The following PFAS variants were observed in gnomAD, a reference collection of about 807,000 sequenced individuals.
The protein encoded by PFAS is phosphoribosylformylglycinamidine synthase.
In PFAS, 97 loss-of-function variants were observed where a neutral mutation model predicts 140.6. That is an observed-to-expected ratio of 0.69 (90% CI 0.59 to 0.82). The LOEUF is 0.82. Among genes scored for constraint, PFAS ranks in the 40% least tolerant of loss-of-function variants. The pLI is 0.00. For missense variants in PFAS, 1,656 were observed against 1,780.2 expected (o/e 0.93, Z 1.26); for synonymous variants, 679 against 718.8 (o/e 0.94, Z 0.88).
Position 8,253,989 on chromosome 17 carries a change from G to T in PFAS, c.52G>T (p.Ala18Ser). 1 of 1,614,134 alleles carries T rather than the reference G, an allele frequency of 6.2e-7. No homozygotes were observed. Among genetic ancestry groups the T allele is most frequent in the Non-Finnish European group, 8.5e-7 (1 of 1,179,998 alleles). The change falls in exon 2 of 28, where the codon GCC becomes TCC. Residue 18 changes from alanine to serine, a missense_variant. This residue lies in a region of PFAS where 773 missense variants were observed against 757.3 expected (regional missense o/e 1.02). Coordinates refer to ENST00000314666, the MANE Select transcript of PFAS (RefSeq NM_012393.3). ...YVRPSGHEGA[A>S]PGHTRRKLQG... ...TCGTCCCTCTGGCCATGAGGGGGCA[G>T]CCCCTGGACACACTCGGAGGAAACT... is the stretch of plus-strand genomic sequence containing the variant.
At position 8,265,049 on chromosome 17, in the gene PFAS, A is replaced by T; in HGVS notation, c.2204A>T (p.Asp735Val). 1 of 1,613,592 alleles carries T rather than the reference A, an allele frequency of 6.2e-7. No individual in the cohort carries two copies. Among genetic ancestry groups the T allele is most frequent in the Non-Finnish European group, 8.5e-7 (1 of 1,179,970 alleles). Reference sequence around the variant, plus strand: ...GAACAGCCAGTCAAGAGCCTGCTGGACCCAAAAGTCGCCGCCCGGCTGGCC... The same window carrying T: ...GAACAGCCAGTCAAGAGCCTGCTGGTCCCAAAAGTCGCCGCCCGGCTGGCC... ...LGEQPVKSLL[D>V]PKVAARLAVA... The change falls in exon 18 of 28, where the codon GAC becomes GTC. Residue 735 changes from aspartate (D) to valine (V), a missense_variant. Asp to Val is a radical substitution (Grantham distance 152, BLOSUM62 -3). Coordinates refer to ENST00000314666, the MANE Select transcript of PFAS (RefSeq NM_012393.3).
chr17:8,261,490 C>T (rs574670800), intron 11 of PFAS, among the ~76,000 whole-genome samples: 2 of 152,310 alleles, frequency 1.3e-5, no homozygotes, highest in East Asian at 3.9e-4. Flanking sequence ...CCACCCGCCT[C>T]AGCCTCCCAA....
chr17:8,268,126 A>G (rs769927690), intron 26 of PFAS, among the ~76,000 whole-genome samples: 1 of 145,376 alleles, frequency 6.9e-6, no homozygotes, highest in Non-Finnish European at 1.5e-5. Context: ...CAATGGCGCA[A>G]TCTTGGCTCA....
At position 8,258,182 on chromosome 17, in the gene PFAS, A is replaced by G. The variant is rs1989451591; in HGVS notation, c.1319A>G (p.Lys440Arg). The G allele has an allele frequency of 3.1e-6, 5 of 1,613,938 alleles. No individual in the cohort carries two copies. Among genetic ancestry groups the G allele is most frequent in the Admixed American group, 1.7e-5 (1 of 60,012 alleles). Residue 440 changes from lysine (K) to arginine (R), a missense_variant, in exon 11 of 28, where the codon AAG becomes AGG. By Grantham distance (26) the Lys-to-Arg change is conservative. Coordinates refer to ENST00000314666, the MANE Select transcript of PFAS (RefSeq NM_012393.3). ...TCCATGGAAGCTGACCACATAAGCA[A>G]GGAGGCCCCAGAGCCAGGTAAGAGC... Reference protein sequence around the residue: ...IGSMEADHISKEAPEPGMEVV... With the variant: ...IGSMEADHISREAPEPGMEVV...
In PFAS at chr17:8,255,512, C is replaced by A; in HGVS notation, c.395C>A (p.Pro132His). 6.6e-7 allele frequency: 1 copy of A among 1,517,468 alleles called. No individual in the cohort carries two copies. The highest frequency in any genetic ancestry group is 8.8e-7 in the Non-Finnish European group (1 of 1,134,282). 94.0% of individuals were successfully genotyped at this position (1,517,468 alleles called of 1,614,324 possible). A position where few individuals can be genotyped will look rare whatever the true frequency, so the allele number is the denominator to read the frequency against. Residue 132 changes from proline (P) to histidine (H), a missense_variant, in exon 5 of 28, where the codon CCC (proline) becomes CAC (histidine). Around this residue, in one of 2 missense-constraint regions of PFAS, gnomAD observed 773 missense variants for 757.3 expected, o/e 1.02. Coordinates refer to ENST00000314666, the MANE Select transcript of PFAS (RefSeq NM_012393.3). ...TGTCTGCACCCCTAGTTTGCCCACCCCCCGTCAGCTGAGGTGGAAGCCATT... is the reference window on the plus strand; with the variant it reads ...TGTCTGCACCCCTAGTTTGCCCACCACCCGTCAGCTGAGGTGGAAGCCATT... ...TRRYRLSFAHPPSAEVEAIAL... is the reference protein window; with the variant it reads ...TRRYRLSFAHHPSAEVEAIAL...
intron 3 of PFAS, 34 bp downstream of exon 3, chr17:8,254,335 G>A: frequency 6.2e-7 from 1 of 1,610,402 alleles, no homozygotes; most frequent in Non-Finnish European, 8.5e-7. Context: ...CCTTTCTTCT[G>A]CTTTCCTTTG....
intron 17 of PFAS, 104 bp from the exon 18 acceptor site, chr17:8,264,791 G>A (rs1597427547): frequency 4.0e-6 from 4 of 1,001,438 alleles, no homozygotes; most frequent in Non-Finnish European, 4.4e-6. Flanking sequence ...TCTGCATTGG[G>A]GGAAAGACAG....
chr17:8,258,204 G>A lies in PFAS; in HGVS notation c.1336+5G>A. The A allele has an allele frequency of 6.2e-7, 1 of 1,613,796 alleles. No homozygotes were observed. Among genetic ancestry groups the A allele is most frequent in the Non-Finnish European group, 8.5e-7 (1 of 1,179,972 alleles). On this transcript the variant is annotated splice_donor_5th_base_variant and intron_variant, in intron 11 of 27. Transcript: ENST00000314666. Reference sequence around the variant, plus strand: ...GCAAGGAGGCCCCAGAGCCAGGTAAGAGCCTGCCACCTTTCTCTGGATCCA... The same window carrying A: ...GCAAGGAGGCCCCAGAGCCAGGTAAAAGCCTGCCACCTTTCTCTGGATCCA...
At position 8,264,332 on chromosome 17, in the gene PFAS, C is replaced by T. The variant is rs1483110818; in HGVS notation, c.1912C>T (p.Arg638Trp). 6 of 1,613,758 alleles carry T rather than the reference C, an allele frequency of 3.7e-6. No individual in the cohort carries two copies. The highest frequency in any genetic ancestry group is 2.2e-5 in the East Asian group (1 of 44,886). ...ELEWVLGKMP[R>W]KEFFLQRKPP... is the part of the protein sequence containing the mutation. ...CGAATGGGTGCTGGGCAAGATGCCT[C>T]GGAAGGTATGTGGGGTTGAGGGGAT... is the stretch of plus-strand genomic sequence containing the variant. The change falls in exon 16 of 28, where the codon CGG becomes TGG. Residue 638 changes from arginine to tryptophan, a missense_variant. Coordinates refer to ENST00000314666, the MANE Select transcript of PFAS (RefSeq NM_012393.3).
upstream of PFAS, chr17:8,247,736 C>T: frequency 2.1e-6 from 1 of 482,446 alleles, no homozygotes; most frequent in Non-Finnish European, 3.8e-6. Context: ...ATAGTTCCCC[C>T]ATTAACCTGC....
upstream of PFAS, chr17:8,248,013 G>A (rs749818659): frequency 9.0e-6 from 14 of 1,559,384 alleles, no homozygotes; most frequent in Admixed American, 1.2e-4. Flanking sequence ...CGGAGGAAGG[G>A]ACCTGGGCCC....
At chr17:8,250,258 AT>A (rs1989101247) in intron 1 of PFAS, among the ~76,000 whole-genome samples, 1 of 152,222 alleles carries the variant, frequency 6.6e-6, no homozygotes, top group Admixed American at 6.5e-5. Context: ...CTGAGTTGGA[AT>A]TTATACCATG....
Position 8,256,593 on chromosome 17 carries a change from A to T in PFAS, c.891A>T (p.Gln297His). ...CCACACGGCCAAGCCGCTTCCAGCA[A>T]CAGCAAGGGCTGAGACATGTTGTCT... ...EDPTRPSRFQ[Q>H]QQGLRHVVFT... The change falls in exon 8 of 28, where the codon CAA (glutamine) becomes CAT (histidine). Residue 297 changes from glutamine (Q) to histidine (H), a missense_variant. Around this residue, in one of 2 missense-constraint regions of PFAS, gnomAD observed 773 missense variants for 757.3 expected, o/e 1.02. Coordinates refer to ENST00000314666, the MANE Select transcript of PFAS (RefSeq NM_012393.3). 6.2e-7 allele frequency: 1 copy of T among 1,614,196 alleles called. No individual in the cohort carries two copies. Among genetic ancestry groups the T allele is most frequent in the Non-Finnish European group, 8.5e-7 (1 of 1,180,040 alleles).
At chr17:8,250,174 G>T (rs1989098625) in intron 1 of PFAS, among the ~76,000 whole-genome samples, 1 of 152,230 alleles carries the variant, frequency 6.6e-6, no homozygotes, top group Admixed American at 6.5e-5. Flanking sequence ...TGCATTGTGG[G>T]TGAAAAAGAG....
rs773743568 is a variant in PFAS at position 8,265,044 on chromosome 17, G to T, written c.2199G>T (p.Leu733=). 4.3e-6 allele frequency: 7 copies of T among 1,613,596 alleles called. No individual in the cohort carries two copies. In the African/African-American group the frequency reaches 8.0e-5, roughly 18 times the overall value. ...TGGGAGAACAGCCAGTCAAGAGCCT[G>T]CTGGACCCAAAAGTCGCCGCCCGGC... The part of the protein sequence containing the change: ...TALGEQPVKS[L]LDPKVAARLA... Residue 733 remains leucine (L), a synonymous_variant, in exon 18 of 28, where the codon CTG becomes CTT. Coordinates refer to ENST00000314666, the MANE Select transcript of PFAS (RefSeq NM_012393.3).
rs1989772803 is a variant in PFAS at position 8,265,413 on chromosome 17, C to T, written c.2406C>T (p.Gly802=). ...MAALGVAVDG[G]KDSLSMAARV... is the part of the protein sequence containing the mutation. ...CCCTGGGTGTGGCAGTGGATGGTGG[C>T]AAGGACTCCCTCAGCATGGCTGCTC... The change falls in exon 19 of 28, where the codon GGC becomes GGT. Residue 802 remains glycine, a synonymous_variant. Coordinates refer to ENST00000314666, the MANE Select transcript of PFAS (RefSeq NM_012393.3). The T allele has an allele frequency of 6.2e-7, 1 of 1,614,028 alleles. No homozygotes were observed. The highest frequency in any genetic ancestry group is 1.1e-5 in the South Asian group (1 of 91,082).
At chr17:8,253,615 C>T (rs1989243220) in intron 1 of PFAS, among the ~76,000 whole-genome samples, 1 of 152,162 alleles carries the variant, frequency 6.6e-6, no homozygotes, top group Non-Finnish European at 1.5e-5. Flanking sequence ...TCTCGGCTCA[C>T]TGCAACCTCT....
chr17:8,265,200 T>A, intron 18 of PFAS, 75 bp downstream of exon 18: 1 of 1,568,058 alleles, frequency 6.4e-7, no homozygotes, highest in East Asian at 2.3e-5. Context: ...TAGCCCTTCA[T>A]TTCATGTTGC....
At position 8,267,892 on chromosome 17, in the gene PFAS, AATAT is replaced by A. The variant is rs1421416969; in HGVS notation, c.3382+232_3382+235del. 6.2e-5 allele frequency among the ~76,000 whole-genome samples: 9 copies of A among 144,922 alleles called. No individual in the cohort carries two copies. Among genetic ancestry groups the A allele is most frequent in the Non-Finnish European group, 1.2e-4 (8 of 66,354 alleles). On this transcript the variant is annotated intron_variant, in intron 26 of 27. Coordinates refer to ENST00000314666, the MANE Select transcript of PFAS (RefSeq NM_012393.3). The surrounding 1 kb of genome is among the most constrained non-coding windows in gnomAD (Gnocchi z 4.9). ...TATGTAATTAAAATATATATTATTA[AATAT>A]ATATTATTTATATATATTATTTATA... is the stretch of plus-strand genomic sequence containing the variant.
Sources: allele counts gnomAD v4.1 joint callset (sites outside exome capture counted in the v4.1 genomes callset), GRCh38; gene constraint gnomAD v4.1.1; regional missense constraint gnomAD v4.1.1; non-coding constraint Gnocchi (gnomAD v3.1); transcripts MANE v1.5; gene names NCBI Gene and HGNC (gene_info 2026-07-23, HGNC 2026-07-21).